Variants in DDX60 observed in about 807,000 individuals in gnomAD.
The protein encoded by DDX60 is DExD/H-box helicase 60, also known as probable ATP-dependent RNA helicase DDX60.
In DDX60, 165 loss-of-function variants were observed where a neutral mutation model predicts 212.8. That is an observed-to-expected ratio of 0.78 (90% confidence interval 0.68 to 0.88). DDX60 has a LOEUF of 0.88. Among genes scored for constraint, DDX60 ranks in the 40% least tolerant of loss-of-function variants. The probability of loss-of-function intolerance (pLI) is 0.00; values close to 1 mark genes in which losing one functional copy is unlikely to be tolerated. For missense variants in DDX60, 1,905 were observed against 2,003.9 expected, an observed-to-expected ratio of 0.95 and a Z score of 0.94; for synonymous variants, 703 against 685.3, an observed-to-expected ratio of 1.03 and a Z score of -0.40.
At chr4:168,261,870 T>C (rs1051761556) in intron 24 of DDX60, 130 bp downstream of exon 24, 1 of 1,093,036 alleles carries the variant, frequency 9.1e-7, no homozygotes, top group African/African-American at 1.7e-5. Flanking sequence ...ATTACTAGAC[T>C]TCAAGTTCAA....
At chr4:168,235,033 C>A (rs1037053519) in intron 33 of DDX60, among the ~76,000 whole-genome samples, 4 of 152,082 alleles carry the variant, frequency 2.6e-5, no homozygotes, top group African/African-American at 7.2e-5. Context: ...CACTTCCTAA[C>A]CTGCTGTTAA....
At chr4:168,246,641 A>G (rs1734033507) in intron 29 of DDX60, 23 bp from the exon 30 acceptor site, 1 of 1,611,758 alleles carries the variant, frequency 6.2e-7, no homozygotes, top group Non-Finnish European at 8.5e-7. Flanking sequence ...TAGAATTACA[A>G]TGTAAAACTT....
chr4:168,264,681 C>A (rs1734766395), intron 22 of DDX60, among the ~76,000 whole-genome samples: 1 of 152,120 alleles, frequency 6.6e-6, no homozygotes. Context: ...ACATATGTAA[C>A]AGACTTAGTA....
chr4:168,228,221 C>G (rs1467291897), intron 33 of DDX60, among the ~76,000 whole-genome samples: 1 of 151,962 alleles, frequency 6.6e-6, no homozygotes, highest in African/African-American at 2.4e-5. Context: ...AGGAAAGGTA[C>G]AGTAAAAATA....
In DDX60 at chr4:168,271,945, C is replaced by G. The variant is rs1735118266; in HGVS notation, c.2670+98G>C. The G allele has an allele frequency of 4.2e-6, 4 of 958,162 alleles. No homozygotes were observed. In the Admixed American group the frequency reaches 1.0e-4, roughly 25 times the overall value. 59.4% of individuals were successfully genotyped at this position (958,162 alleles called of 1,614,324 possible). On this transcript the variant is annotated intron_variant, in intron 19 of 37. Coordinates refer to ENST00000393743, the MANE Select transcript of DDX60 (RefSeq NM_017631.6). ...AAAACGGAGGCCTTCTCAATCTGAACTCCATCCAAGGGGATAGATGTCCTG... is the reference window on the plus strand; with the variant it reads ...AAAACGGAGGCCTTCTCAATCTGAAGTCCATCCAAGGGGATAGATGTCCTG...
chr4:168,301,088 T>C (rs537242521), intron 6 of DDX60, among the ~76,000 whole-genome samples: 5 of 152,178 alleles, frequency 3.3e-5, no homozygotes, highest in Non-Finnish European at 5.9e-5. Context: ...CCTGAATCTA[T>C]AAAAATCAAA....
chr4:168,255,605 C>G (rs148725703), intron 26 of DDX60, 106 bp downstream of exon 26: 9 of 969,942 alleles, frequency 9.3e-6, no homozygotes, highest in Non-Finnish European at 1.5e-6. Context: ...TAAGTCCAAG[C>G]GACAACTAGA....
chr4:168,275,739 A>C (rs1216512584), intron 15 of DDX60, among the ~76,000 whole-genome samples: 1 of 152,184 alleles, frequency 6.6e-6, no homozygotes, highest in Non-Finnish European at 1.5e-5. Flanking sequence ...TTGAATAATC[A>C]CACTAGTTTT....
chr4:168,248,078 T>G (rs1734082246), intron 29 of DDX60, 110 bp downstream of exon 29: 1 of 636,674 alleles, frequency 1.6e-6, no homozygotes, highest in African/African-American at 1.9e-5. Context: ...GAATGTCCAG[T>G]TATGCTACTG....
upstream of DDX60, among the ~76,000 whole-genome samples, chr4:168,320,027 T>C (rs916307680): frequency 6.6e-6 from 1 of 152,112 alleles, no homozygotes; most frequent in Non-Finnish European, 1.5e-5. Context: ...AGAAAGAAAA[T>C]AAAAGACTCT....
At chr4:168,273,786 T>C (rs1400519248) in intron 17 of DDX60, 148 bp downstream of exon 17, 3 of 762,524 alleles carry the variant, frequency 3.9e-6, no homozygotes, top group African/African-American at 1.8e-5. Flanking sequence ...TGTATATGTA[T>C]ATGTATATTA....
Position 168,273,968 on chromosome 4 carries a change from T to C in DDX60, c.2420A>G (p.Asp807Gly), listed in dbSNP as rs760221050. The change falls in exon 17 of 38, where the codon GAC becomes GGC. Residue 807 changes from aspartate to glycine, a missense_variant. Coordinates refer to ENST00000393743, the MANE Select transcript of DDX60 (RefSeq NM_017631.6). ...YCMEKVLKES[D>G]DGVVVYVAPT... is the part of the protein sequence containing the mutation. The stretch of plus-strand genomic sequence containing the variant: ...TGCAACGTACACGACCACCCCGTCG[T>C]CGCTCTCCTTCAGCACTTTCTCCAT... The C allele has an allele frequency of 6.2e-7, 1 of 1,614,172 alleles. No homozygotes were observed. The highest frequency in any genetic ancestry group is 1.7e-5 in the Admixed American group (1 of 60,028).
chr4:168,295,003 G>A (rs184010024), intron 6 of DDX60, among the ~76,000 whole-genome samples: 9 of 152,176 alleles, frequency 5.9e-5, no homozygotes, highest in Admixed American at 5.9e-4. Flanking sequence ...CAATAATTAG[G>A]CAAATGCAAA....
chr4:168,288,438 C>T, intron 8 of DDX60, 123 bp from the exon 9 acceptor site: 1 of 595,310 alleles, frequency 1.7e-6, no homozygotes, highest in East Asian at 3.5e-5. Context: ...TTTAGGCAAG[C>T]CCATTCAGGC....
chr4:168,286,389 T>TACACACACAC (rs71867661), intron 10 of DDX60, among the ~76,000 whole-genome samples: 2,419 of 133,712 alleles, frequency 0.018, 46 homozygotes, highest in South Asian at 0.048. Context: ...CTTGATTTTA[T>TACACACACAC]ACACACACAC....
intron 6 of DDX60, among the ~76,000 whole-genome samples, chr4:168,297,809 T>C (rs971223980): frequency 3.3e-5 from 5 of 151,990 alleles, no homozygotes; most frequent in Admixed American, 2.6e-4. Context: ...GGGGGAAGAA[T>C]TGCTTGAATC....
intron 13 of DDX60, among the ~76,000 whole-genome samples, chr4:168,280,869 G>C (rs1735563959): frequency 6.6e-6 from 1 of 152,162 alleles, no homozygotes; most frequent in Non-Finnish European, 1.5e-5. Flanking sequence ...GCTGGGCGTG[G>C]TGAATGACAC....
intron 30 of DDX60, among the ~76,000 whole-genome samples, chr4:168,240,042 T>C (rs914550627): frequency 6.6e-6 from 1 of 152,166 alleles, no homozygotes; most frequent in African/African-American, 2.4e-5. Context: ...ATTGTCTTTG[T>C]TTGCAGATGA....
chr4:168,310,959 G>A (rs1432821039), intron 3 of DDX60, 39 bp downstream of exon 3: 5 of 1,212,328 alleles, frequency 4.1e-6, no homozygotes, highest in Non-Finnish European at 6.0e-6. Flanking sequence ...GGGAACATGA[G>A]CTATGATTTC....
Sources: gnomAD v4.1 joint callset for allele counts (sites outside exome capture counted in the v4.1 genomes callset) on GRCh38, gnomAD v4.1.1 for gene constraint, MANE v1.5 for transcripts, NCBI Gene and HGNC (gene_info 2026-07-23, HGNC 2026-07-21) for gene names.